BSN: variants seen among roughly 807,000 people sequenced by gnomAD.
BSN encodes bassoon presynaptic cytomatrix protein, also known as protein bassoon.
A neutral mutation model predicts 264.8 loss-of-function variants in BSN; 57 were observed. That is an observed-to-expected ratio of 0.22 (90% CI 0.17 to 0.27). BSN has a LOEUF of 0.27. BSN is among the 10% of genes least tolerant of loss of function. The probability of loss-of-function intolerance (pLI) is 1.00; values close to 1 mark genes in which losing one functional copy is unlikely to be tolerated. For missense variants in BSN, 4,615 were observed against 5,232.5 expected (o/e 0.88, Z 3.64); for synonymous variants, 2,059 against 2,137.3 (o/e 0.96, Z 1.01).
In BSN at chr3:49,653,045, A is replaced by G; in HGVS notation, c.3489A>G (p.Ser1163=). 6.2e-7 allele frequency: 1 copy of G among 1,613,294 alleles called. No individual in the cohort carries two copies. The highest frequency in any genetic ancestry group is 8.5e-7 in the Non-Finnish European group (1 of 1,179,958). ...YNLPTFMSLY[S]PTETPSGSST... Reference sequence around the variant, plus strand: ...TGCCCACCTTCATGTCCCTCTACTCACCAACCGAGACACCCTCCGGCAGCT... The same window carrying G: ...TGCCCACCTTCATGTCCCTCTACTCGCCAACCGAGACACCCTCCGGCAGCT... Residue 1163 remains serine, a synonymous_variant, in exon 5 of 12, where the codon TCA becomes TCG. Coordinates refer to ENST00000296452, the MANE Select transcript of BSN (RefSeq NM_003458.4). This position sits in a 1 kb window ranked among gnomAD's most constrained non-coding sequence, Gnocchi z 6.3.
intron 3 of BSN, among the ~76,000 whole-genome samples, chr3:49,646,197 A>G (rs1358054636): frequency 2.6e-5 from 4 of 152,198 alleles, no homozygotes; most frequent in Non-Finnish European, 5.9e-5. Flanking sequence ...AAAAATAACC[A>G]TAGTGCTATT....
intron 1 of BSN, among the ~76,000 whole-genome samples, chr3:49,624,279 G>T (rs1441552588): frequency 1.4e-5 from 2 of 139,698 alleles, no homozygotes; most frequent in Admixed American, 7.9e-5. Context: ...GGGATTCCAG[G>T]CGTGAGCCAA....
At chr3:49,623,311 C>T (rs1311806046) in intron 1 of BSN, among the ~76,000 whole-genome samples, 1 of 152,178 alleles carries the variant, frequency 6.6e-6, no homozygotes, top group East Asian at 1.9e-4. Flanking sequence ...TTCCTGAGTG[C>T]CAGCATTCAC....
At position 49,664,500 on chromosome 3, in the gene BSN, T is replaced by C; in HGVS notation, c.11686T>C (p.Phe3896Leu). The C allele has an allele frequency of 7.4e-6, 12 of 1,612,546 alleles. No homozygotes were observed. Among genetic ancestry groups the C allele is most frequent in the Non-Finnish European group, 1.0e-5 (12 of 1,179,436 alleles). ...GCCAGGTGCCGATGGGGAGAGCGTG[T>C]TCTCCAAGATCCTCCCTGGCGGGGC... ...GQPGADGESV[F>L]SKILPGGAAE... The change falls in exon 9 of 12, where the codon TTC becomes CTC. Residue 3896 changes from phenylalanine (F) to leucine (L), a missense_variant. Coordinates refer to ENST00000296452, the MANE Select transcript of BSN (RefSeq NM_003458.4).
intron 1 of BSN, among the ~76,000 whole-genome samples, chr3:49,617,727 G>A (rs1045167931): frequency 1.1e-4 from 16 of 152,174 alleles, no homozygotes; most frequent in African/African-American, 3.4e-4. Flanking sequence ...GGCCTTGGAC[G>A]GGTGTAGTCA....
chr3:49,591,722 G>A (rs921734850), intron 1 of BSN, among the ~76,000 whole-genome samples: 2 of 151,954 alleles, frequency 1.3e-5, no homozygotes, highest in African/African-American at 2.4e-5. Context: ...TTGAGTAGCT[G>A]GGACTACAGA....
chr3:49,656,780 G>A lies in BSN; in HGVS notation c.7224G>A (p.Glu2408=), dbSNP rs1281838017. Residue 2408 remains glutamate, a synonymous_variant, in exon 5 of 12, where the codon GAG becomes GAA. Transcript: ENST00000296452. ...AGCTGCAGAGGCACCGTGAGGAGGAGCAGCTGCTGGTGCAGCGGGAGTTGC... is the reference window on the plus strand; with the variant it reads ...AGCTGCAGAGGCACCGTGAGGAGGAACAGCTGCTGGTGCAGCGGGAGTTGC... The part of the protein sequence containing the change: ...RVELQRHREE[E]QLLVQRELQE... 3 of 1,584,984 alleles carry A rather than the reference G, an allele frequency of 1.9e-6. No individual in the cohort carries two copies. The highest frequency in any genetic ancestry group is 1.7e-6 in the Non-Finnish European group (2 of 1,165,832).
chr3:49,657,923 G>A lies in BSN; in HGVS notation c.8367G>A (p.Lys2789=), dbSNP rs2052624227. Residue 2789 remains lysine, a synonymous_variant, in exon 5 of 12, where the codon AAG becomes AAA. Transcript: ENST00000296452. The stretch of plus-strand genomic sequence containing the variant: ...AGCTTGTGAGCCGCCAGCCTCCCAA[G>A]TCCCCTCAGGTCCTCTACTCACCAG... The part of the protein sequence containing the change: ...LSQLVSRQPP[K]SPQVLYSPVS... The A allele has an allele frequency of 1.2e-6, 2 of 1,613,754 alleles. No homozygotes were observed. The highest frequency in any genetic ancestry group is 1.7e-6 in the Non-Finnish European group (2 of 1,179,860).
At chr3:49,604,094 T>A (rs1039309963) in intron 1 of BSN, among the ~76,000 whole-genome samples, 4 of 152,150 alleles carry the variant, frequency 2.6e-5, no homozygotes, top group African/African-American at 7.2e-5. Flanking sequence ...TGTACCTTTT[T>A]TTTTTCTTCT....
At chr3:49,606,967 T>C (rs955496203) in intron 1 of BSN, among the ~76,000 whole-genome samples, 1 of 152,036 alleles carries the variant, frequency 6.6e-6, no homozygotes, top group African/African-American at 2.4e-5. Flanking sequence ...AATACAAAAA[T>C]TAGCCGGACA....
At position 49,653,478 on chromosome 3, in the gene BSN, C is replaced by T; in HGVS notation, c.3922C>T (p.Leu1308Phe). 6.2e-7 allele frequency: 1 copy of T among 1,614,008 alleles called. No individual in the cohort carries two copies. Among genetic ancestry groups the T allele is most frequent in the Non-Finnish European group, 8.5e-7 (1 of 1,179,942 alleles). The change falls in exon 5 of 12, where the codon CTT (leucine) becomes TTT (phenylalanine). Residue 1308 changes from leucine to phenylalanine, a missense_variant. Physicochemically the swap from Leu to Phe is conservative, Grantham distance 22. This residue lies in a region of BSN where 3,415 missense variants were observed against 3,866.4 expected (regional missense o/e 0.88). Transcript: ENST00000296452. The surrounding 1 kb of genome is among the most constrained non-coding windows in gnomAD (Gnocchi z 6.3). The part of the protein sequence containing the change: ...MDPMKQNGGP[L>F]TPGTSPTQLA... ...CCCAATGAAGCAAAATGGTGGCCCC[C>T]TTACCCCTGGTACCAGTCCCACCCA...
chr3:49,653,561 A>T lies in BSN; in HGVS notation c.4005A>T (p.Arg1335=). The part of the protein sequence containing the change: ...TPTSSDSSGG[R]VIPDVRVTQH... ...CCTCCTCAGACAGCAGCGGGGGCCG[A>T]GTTATTCCCGATGTCCGTGTCACTC... The change falls in exon 5 of 12, where the codon CGA becomes CGT. Residue 1335 remains arginine (R), a synonymous_variant. Coordinates refer to ENST00000296452, the MANE Select transcript of BSN (RefSeq NM_003458.4). The surrounding 1 kb of genome is among the most constrained non-coding windows in gnomAD (Gnocchi z 6.3). 1 of 1,613,640 alleles carries T rather than the reference A, an allele frequency of 6.2e-7. No homozygotes were observed. The highest frequency in any genetic ancestry group is 1.7e-5 in the Admixed American group (1 of 59,982).
At chr3:49,556,583 T>G (rs1354173971) in intron 1 of BSN, among the ~76,000 whole-genome samples, 4 of 152,170 alleles carry the variant, frequency 2.6e-5, no homozygotes. Flanking sequence ...GGAGGTGAGC[T>G]GGCTATTTGT....
chr3:49,636,422 G>C (rs62262676), intron 2 of BSN, among the ~76,000 whole-genome samples: 6,275 of 152,244 alleles, frequency 0.041, 181 homozygotes, highest in Non-Finnish European at 0.063. Context: ...GAGTTGGCCA[G>C]TCATGGATGG....
chr3:49,661,470 A>C lies in BSN; in HGVS notation c.9625A>C (p.Ser3209Arg). Reference sequence around the variant, plus strand: ...TGGTGACCGTGGCAGTGTGAGCCAGAGCCCAGCCCCCACCTACCCCTCTGA... The same window carrying C: ...TGGTGACCGTGGCAGTGTGAGCCAGCGCCCAGCCCCCACCTACCCCTCTGA... ...RAGDRGSVSQ[S>R]PAPTYPSDSH... Residue 3209 changes from serine to arginine, a missense_variant, in exon 6 of 12, where the codon AGC (serine) becomes CGC (arginine). By Grantham distance (110) the Ser-to-Arg change is moderately radical (BLOSUM62 -1). Coordinates refer to ENST00000296452, the MANE Select transcript of BSN (RefSeq NM_003458.4). The C allele has an allele frequency of 1.2e-6, 2 of 1,613,074 alleles. No individual in the cohort carries two copies. The highest frequency in any genetic ancestry group is 1.7e-6 in the Non-Finnish European group (2 of 1,179,790).
intron 1 of BSN, among the ~76,000 whole-genome samples, chr3:49,583,687 A>G (rs2051911978): frequency 7.9e-5 from 12 of 152,160 alleles, no homozygotes. Context: ...ACTGAGCATA[A>G]GCTTTTCTTT....
chr3:49,608,439 AGAG>A (rs760548360), intron 1 of BSN, among the ~76,000 whole-genome samples: 1 of 152,182 alleles, frequency 6.6e-6, no homozygotes, highest in African/African-American at 2.4e-5. Context: ...ATTATTTAGA[AGAG>A]GAGATGTTTT....
chr3:49,606,215 A>ATTATATATACATATATTATATATG (rs1323863137), intron 1 of BSN, among the ~76,000 whole-genome samples: 1 of 60,940 alleles, frequency 1.6e-5, no homozygotes, highest in Non-Finnish European at 3.1e-5. Flanking sequence ...ATATATGTAT[A>ATTATATATACATATATTATATATG]TATTATATAT....
chr3:49,570,492 G>A (rs991610109), intron 1 of BSN, among the ~76,000 whole-genome samples: 1 of 152,138 alleles, frequency 6.6e-6, no homozygotes, highest in Non-Finnish European at 1.5e-5. Context: ...TTTGGTTTGA[G>A]CCGTGGAAAC....
Sources: gnomAD v4.1 joint callset for allele counts (sites outside exome capture counted in the v4.1 genomes callset) on GRCh38, gnomAD v4.1.1 for gene constraint, gnomAD v4.1.1 regional missense constraint, Gnocchi (gnomAD v3.1) non-coding constraint, MANE v1.5 for transcripts, NCBI Gene and HGNC (gene_info 2026-07-23, HGNC 2026-07-21) for gene names.